The following EHD1 variants were observed in gnomAD, a reference collection of about 807,000 sequenced individuals.
The protein encoded by EHD1 is EH domain containing 1, also known as EH domain-containing protein 1.
EHD1 carries 19 observed loss-of-function variants against 39.0 expected under a neutral mutation model. The ratio of observed to expected loss-of-function variants is 0.49; its 90% confidence interval spans 0.34 to 0.72. EHD1 has a LOEUF of 0.72. Among genes scored for constraint, EHD1 ranks in the 30% least tolerant of loss-of-function variants. EHD1 has a pLI of 0.01. For missense variants in EHD1, 542 were observed against 751.5 expected, an observed-to-expected ratio of 0.72 and a Z score of 3.26; for synonymous variants, 323 against 331.2, an observed-to-expected ratio of 0.98 and a Z score of 0.27.
At position 64,858,014 on chromosome 11, in the gene EHD1, T is replaced by C. The variant is rs1209170371; in HGVS notation, c.915+1910A>G. Among the ~76,000 whole-genome samples, 5 of 147,114 alleles carry C rather than the reference T, an allele frequency of 3.4e-5. No homozygotes were observed. The Admixed American group carries it at 3.5e-4, about 10-fold the overall frequency. Reference sequence around the variant, plus strand: ...GCCTGGCTGGCCTGGAGATAGGAGCTACGGCAAGGGCCTTTTTTTTTTTTT... The same window carrying C: ...GCCTGGCTGGCCTGGAGATAGGAGCCACGGCAAGGGCCTTTTTTTTTTTTT... On this transcript the variant is annotated intron_variant, in intron 3 of 4. Transcript: ENST00000320631.
intron 2 of EHD1, among the ~76,000 whole-genome samples, chr11:64,869,875 G>C (rs1333414445): frequency 6.6e-6 from 1 of 152,216 alleles, no homozygotes; most frequent in Non-Finnish European, 1.5e-5. Flanking sequence ...GGCAGGAAGT[G>C]GGGGCGGCCC....
At chr11:64,878,879 G>T, upstream of EHD1, 15 of 1,060,816 alleles carry the variant, frequency 1.4e-5, no homozygotes, top group South Asian at 1.1e-4. Context: ...AAAGTGCTGC[G>T]GTTAGGAAGG....
At position 64,854,638 on chromosome 11, in the gene EHD1, T is replaced by C. The variant is rs1173987847; in HGVS notation, c.1300A>G (p.Ile434Val). 6.2e-7 allele frequency: 1 copy of C among 1,613,952 alleles called. No homozygotes were observed. The highest frequency in any genetic ancestry group is 1.7e-5 in the Admixed American group (1 of 60,016). The change falls in exon 5 of 5, where the codon ATC (isoleucine) becomes GTC (valine). Residue 434 changes from isoleucine to valine, a missense_variant. Transcript: ENST00000320631. ...HGYGEGAGEG[I>V]DDVEWVVGKD... ...CCCACCACCCACTCCACGTCGTCGA[T>C]GCCCTCGCCGGCCCCCTCGCCGTAG...
Position 64,868,681 on chromosome 11 carries a change from G to A in EHD1, c.502+5740C>T, listed in dbSNP as rs1198545021. Among the ~76,000 whole-genome samples, 2 of 152,378 alleles carry A rather than the reference G, an allele frequency of 1.3e-5. No individual in the cohort carries two copies. Among genetic ancestry groups the A allele is most frequent in the East Asian group, 3.9e-4 (2 of 5,194 alleles). On this transcript the variant is annotated intron_variant, in intron 2 of 4. Transcript: ENST00000320631. The surrounding 1 kb of genome is among the most constrained non-coding windows in gnomAD (Gnocchi z 4.2). ...CCAGGAGTGACTATGAGGGGCACGGGAACTTTCAGGCGATGGGAATACTCT... is the reference window on the plus strand; with the variant it reads ...CCAGGAGTGACTATGAGGGGCACGGAAACTTTCAGGCGATGGGAATACTCT...
In EHD1 at chr11:64,860,037, G is replaced by C; in HGVS notation, c.802C>G (p.Arg268Gly). The C allele has an allele frequency of 6.2e-7, 1 of 1,614,148 alleles. No homozygotes were observed. The highest frequency in any genetic ancestry group is 2.2e-5 in the East Asian group (1 of 44,884). The stretch of plus-strand genomic sequence containing the variant: ...TGCTCCTCGGCCTCAAAGAGCTTGC[G>C]GTTGTCGGGGATGAGGAGCGGGTGG... ...WSHPLLIPDN[R>G]KLFEAEEQDL... Residue 268 changes from arginine (R) to glycine (G), a missense_variant, in exon 3 of 5, where the codon CGC becomes GGC. Coordinates refer to ENST00000320631, the MANE Select transcript of EHD1 (RefSeq NM_006795.4).
intron 1 of EHD1, 23 bp from the exon 2 acceptor site, chr11:64,874,541 A>G: frequency 6.4e-7 from 1 of 1,574,030 alleles, no homozygotes; most frequent in Non-Finnish European, 8.6e-7. Flanking sequence ...AAGAGCCAGA[A>G]GAGAGGCGTC....
At chr11:64,863,661 G>A (rs1462716702) in intron 2 of EHD1, among the ~76,000 whole-genome samples, 1 of 152,196 alleles carries the variant, frequency 6.6e-6, no homozygotes, top group Non-Finnish European at 1.5e-5. Context: ...GCCCAAGCGT[G>A]CTTGGCGCCA....
chr11:64,859,041 C>T (rs1045677035), intron 3 of EHD1, among the ~76,000 whole-genome samples: 1 of 152,250 alleles, frequency 6.6e-6, no homozygotes, highest in African/African-American at 2.4e-5. Context: ...CCAGGCCCCC[C>T]CAGCCCTTCT....
rs2136469246 is a variant in EHD1, at chr11:64,852,809, C to T, written c.*1524G>A. 6.5e-6 allele frequency: 1 copy of T among 152,784 alleles called. No homozygotes were observed. Among genetic ancestry groups the T allele is most frequent in the Admixed American group, 6.5e-5 (1 of 15,310 alleles). The allele number at this position is 152,784 out of a possible 1,614,324, so 9.5% of individuals were successfully genotyped here. A position where few individuals can be genotyped will look rare whatever the true frequency, so the allele number is the denominator to read the frequency against. On this transcript the variant is annotated 3_prime_UTR_variant, in exon 5 of 5. Coordinates refer to ENST00000320631, the MANE Select transcript of EHD1 (RefSeq NM_006795.4). ...CACAGGTGTGAACAAGCCACTGCAA[C>T]TTCAACAGTGACTTCCCGGCAAGGA...
chr11:64,875,075 C>G (rs1282114952), intron 1 of EHD1, among the ~76,000 whole-genome samples: 3 of 152,236 alleles, frequency 2.0e-5, no homozygotes, highest in African/African-American at 7.2e-5. Flanking sequence ...ACGCGCCATT[C>G]TCTGAAAGTC....
chr11:64,879,489 G>T, upstream of EHD1: 1 of 1,417,322 alleles, frequency 7.1e-7, no homozygotes, highest in Non-Finnish European at 9.6e-7. Flanking sequence ...GAAGTGTGGG[G>T]GCAACAATGA....
In EHD1 at chr11:64,854,654, C is replaced by T. The variant is rs1320857793; in HGVS notation, c.1284G>A (p.Glu428=). 1 of 1,613,902 alleles carries T rather than the reference C, an allele frequency of 6.2e-7. No individual in the cohort carries two copies. The highest frequency in any genetic ancestry group is 8.5e-7 in the Non-Finnish European group (1 of 1,179,944). Residue 428 remains glutamate, a synonymous_variant, in exon 5 of 5, where the codon GAG becomes GAA. Coordinates refer to ENST00000320631, the MANE Select transcript of EHD1 (RefSeq NM_006795.4). Reference sequence around the variant, plus strand: ...CGTCGTCGATGCCCTCGCCGGCCCCCTCGCCGTAGCCGTGCCCGAACGGCC... The same window carrying T: ...CGTCGTCGATGCCCTCGCCGGCCCCTTCGCCGTAGCCGTGCCCGAACGGCC... ...MNGPFGHGYG[E]GAGEGIDDVE...
Position 64,874,532 on chromosome 11 carries a change from A to C in EHD1, c.405-14T>G. 1 of 1,585,686 alleles carries C rather than the reference A, an allele frequency of 6.3e-7. No individual in the cohort carries two copies. The highest frequency in any genetic ancestry group is 8.6e-7 in the Non-Finnish European group (1 of 1,165,752). ...GCACACATGAACCTACATGAGAGCAAGAGCCAGAAGAGAGGCGTCAAGACA... is the reference window on the plus strand; with the variant it reads ...GCACACATGAACCTACATGAGAGCACGAGCCAGAAGAGAGGCGTCAAGACA... On this transcript the variant is annotated splice_polypyrimidine_tract_variant and intron_variant, in intron 1 of 4. Coordinates refer to ENST00000320631, the MANE Select transcript of EHD1 (RefSeq NM_006795.4).
chr11:64,855,121 G>C, intron 4 of EHD1: 2 of 947,232 alleles, frequency 2.1e-6, no homozygotes, highest in South Asian at 1.8e-5. Context: ...CCACCACGCA[G>C]GGTGAGTCAC....
intron 2 of EHD1, among the ~76,000 whole-genome samples, chr11:64,870,569 C>T (rs17146413): frequency 0.092 from 13,996 of 152,302 alleles, 1,083 homozygotes; most frequent in East Asian, 0.46. Flanking sequence ...CACTACCCTG[C>T]TGATGCTGAT....
Position 64,878,546 on chromosome 11 carries a change from G to A in EHD1, c.-82C>T. On this transcript the variant is annotated 5_prime_UTR_variant, in exon 1 of 5. Coordinates refer to ENST00000320631, the MANE Select transcript of EHD1 (RefSeq NM_006795.4). ...AGGGTGCGGAGCCGAGGCGGGGCCG[G>A]CCGGGGCAGGGAATCGGGAGCGACC... is the stretch of plus-strand genomic sequence containing the variant. 5 of 1,476,916 alleles carry A rather than the reference G, an allele frequency of 3.4e-6. No individual in the cohort carries two copies. Among genetic ancestry groups the A allele is most frequent in the South Asian group, 2.7e-5 (2 of 75,330 alleles). 91.5% of individuals were successfully genotyped at this position (1,476,916 alleles called of 1,614,324 possible).
chr11:64,872,726 T>A (rs1221508162), intron 2 of EHD1, among the ~76,000 whole-genome samples: 1 of 152,120 alleles, frequency 6.6e-6, no homozygotes, highest in African/African-American at 2.4e-5. Flanking sequence ...GTGATTTCAG[T>A]ACGCTCTGAT....
intron 2 of EHD1, among the ~76,000 whole-genome samples, chr11:64,871,872 C>G (rs545170586): frequency 1.3e-5 from 2 of 152,342 alleles, no homozygotes; most frequent in Admixed American, 1.3e-4. Flanking sequence ...TCTGCACAGG[C>G]AACTCCAGGG....
chr11:64,879,601 C>T, upstream of EHD1: 5 of 1,551,144 alleles, frequency 3.2e-6, no homozygotes, highest in South Asian at 4.8e-5. Context: ...CTGTGCCCTA[C>T]CTCCCCTTAC....
Sources: gnomAD v4.1 joint callset for allele counts (sites outside exome capture counted in the v4.1 genomes callset) on GRCh38, gnomAD v4.1.1 for gene constraint, Gnocchi (gnomAD v3.1) non-coding constraint, MANE v1.5 for transcripts, NCBI Gene and HGNC (gene_info 2026-07-23, HGNC 2026-07-21) for gene names.